The following LIPT1 variants were observed in gnomAD, a reference collection of about 807,000 sequenced individuals.
LIPT1 encodes the protein lipoyltransferase 1.
A neutral mutation model predicts 25.1 loss-of-function variants in LIPT1; 22 were observed. That is an observed-to-expected ratio of 0.88 (90% CI 0.63 to 1.25). The LOEUF (loss-of-function observed/expected upper bound fraction) is 1.25. Ranked by LOEUF, LIPT1 falls within the 50% of genes most tolerant of loss-of-function variation. The pLI is 0.00. For synonymous variants in LIPT1, 131 were observed against 150.8 expected (o/e 0.87, Z 0.96); for missense variants, 399 against 432.8 (o/e 0.92, Z 0.69).
Position 99,162,503 on chromosome 2 carries a change from T to C in LIPT1, c.546T>C (p.Cys182=), listed in dbSNP as rs1428366203. The C allele has an allele frequency of 6.2e-7, 1 of 1,614,152 alleles. No individual in the cohort carries two copies. Among genetic ancestry groups the C allele is most frequent in the Admixed American group, 1.7e-5 (1 of 60,018 alleles). Residue 182 remains cysteine (C), a synonymous_variant, in exon 2 of 2, where the codon TGT becomes TGC. Coordinates refer to ENST00000651691, the MANE Select transcript of LIPT1 (RefSeq NM_145199.3). ...CCTATCACCATTGCACTTTATTATG[T>C]AGTACTGATGGGACGTTCTTGTCTT... ...TTAYHHCTLL[C]STDGTFLSSL... is the part of the protein sequence containing the mutation.
rs1440086223 is a variant in LIPT1 at position 99,162,737 on chromosome 2, T to A, written c.780T>A (p.Asn260Lys). Residue 260 changes from asparagine to lysine, a missense_variant, in exon 2 of 2, where the codon AAT (asparagine) becomes AAA (lysine). Transcript: ENST00000651691. ...PTDETLFPGI[N>K]SKAKELQTWE... is the part of the protein sequence containing the mutation. ...ATGAGACACTGTTTCCTGGAATAAA[T>A]AGCAAAGCCAAAGAACTGCAAACTT... is the stretch of plus-strand genomic sequence containing the variant. 6.2e-7 allele frequency: 1 copy of A among 1,614,112 alleles called. No homozygotes were observed. Among genetic ancestry groups the A allele is most frequent in the Admixed American group, 1.7e-5 (1 of 60,010 alleles).
intron 1 of LIPT1, among the ~76,000 whole-genome samples, chr2:99,160,683 T>TA (rs2093780388): frequency 2.6e-5 from 4 of 152,224 alleles, no homozygotes; most frequent in Admixed American, 2.0e-4. Context: ...AGCCTTTGTA[T>TA]ATAAACCTGC....
intron 1 of LIPT1, among the ~76,000 whole-genome samples, chr2:99,158,512 G>A (rs574192152): frequency 6.6e-6 from 1 of 151,794 alleles, no homozygotes; most frequent in Non-Finnish European, 1.5e-5. Flanking sequence ...CCAGGAGGTC[G>A]GGGCTGCAGT....
At chr2:99,158,720 ATT>A (rs2093768282) in intron 1 of LIPT1, among the ~76,000 whole-genome samples, 1 of 152,172 alleles carries the variant, frequency 6.6e-6, no homozygotes, top group African/African-American at 2.4e-5. Context: ...GCTGTTGCAC[ATT>A]GTTAGAATTC....
chr2:99,160,445 T>G (rs2093779025), intron 1 of LIPT1, among the ~76,000 whole-genome samples: 2 of 152,188 alleles, frequency 1.3e-5, no homozygotes, highest in Non-Finnish European at 2.9e-5. Context: ...AACCAAACTC[T>G]TAACCTCAAG....
intron 1 of LIPT1, among the ~76,000 whole-genome samples, chr2:99,156,076 A>AT (rs1007250551): frequency 9.9e-5 from 15 of 151,820 alleles, no homozygotes; most frequent in Non-Finnish European, 1.5e-4. Flanking sequence ...ACTCTGTGTG[A>AT]TTTTTTCTTA....
At chr2:99,157,882 C>G (rs1374188545) in intron 1 of LIPT1, among the ~76,000 whole-genome samples, 2 of 152,226 alleles carry the variant, frequency 1.3e-5, no homozygotes, top group Non-Finnish European at 2.9e-5. Flanking sequence ...AACCAATTAT[C>G]TTAACCCCAT....
intron 1 of LIPT1, among the ~76,000 whole-genome samples, chr2:99,160,335 GA>G (rs761347299): frequency 6.6e-6 from 1 of 152,158 alleles, no homozygotes; most frequent in East Asian, 1.9e-4. Context: ...TTGAGCCCAG[GA>G]GGTCGAGGCT....
At chr2:99,160,404 A>C (rs889160925) in intron 1 of LIPT1, among the ~76,000 whole-genome samples, 3 of 152,222 alleles carry the variant, frequency 2.0e-5, no homozygotes, top group Non-Finnish European at 4.4e-5. Context: ...AAAAAAGCCT[A>C]GCTACCTAGT....
chr2:99,161,650 C>A, intron 1 of LIPT1: 1 of 201,298 alleles, frequency 5.0e-6, no homozygotes, highest in Non-Finnish European at 1.0e-5. Context: ...CCAGCCTGGG[C>A]AACATGGTGA....
intron 1 of LIPT1, chr2:99,155,590 A>AG (rs2093744114): frequency 4.4e-6 from 2 of 454,634 alleles, no homozygotes; most frequent in African/African-American, 4.0e-5. Flanking sequence ...TAGTCATTAA[A>AG]GGGTGAGAGT....
At chr2:99,161,344 A>G (rs1332583669) in intron 1 of LIPT1, 5 of 118,300 alleles carry the variant, frequency 4.2e-5, no homozygotes, top group African/African-American at 1.6e-4. Context: ...ATATAGATTG[A>G]ATGTCGAATG....
chr2:99,161,986 G>A lies in LIPT1; in HGVS notation c.29G>A (p.Cys10Tyr). Residue 10 changes from cysteine (C) to tyrosine (Y), a missense_variant, in exon 2 of 2, where the codon TGC (cysteine) becomes TAC (tyrosine). By Grantham distance (194) the Cys-to-Tyr change is radical. Transcript: ENST00000651691. MLIPFSMKN[C>Y]FQLLCNCQVP... Reference sequence around the variant, plus strand: ...CTGATCCCATTTTCAATGAAGAATTGCTTCCAGTTACTTTGTAACTGCCAG... The same window carrying A: ...CTGATCCCATTTTCAATGAAGAATTACTTCCAGTTACTTTGTAACTGCCAG... The A allele has an allele frequency of 6.2e-7, 1 of 1,604,990 alleles. No individual in the cohort carries two copies.
rs2093798815 is a variant in LIPT1 at position 99,162,182 on chromosome 2, T to C, written c.225T>C (p.Gly75=). The change falls in exon 2 of 2, where the codon GGT becomes GGC. Residue 75 remains glycine, a synonymous_variant. Coordinates refer to ENST00000651691, the MANE Select transcript of LIPT1 (RefSeq NM_145199.3). ...FWQNSPSVVI[G]RHQNPWQECN... is the part of the protein sequence containing the mutation. ...AGAATTCTCCCTCTGTTGTAATTGG[T>C]AGGCATCAAAATCCTTGGCAGGAAT... 6.2e-7 allele frequency: 1 copy of C among 1,613,966 alleles called. No individual in the cohort carries two copies. Among genetic ancestry groups the C allele is most frequent in the African/African-American group, 1.3e-5 (1 of 74,894 alleles).
chr2:99,155,354 G>C (rs755050068), intron 1 of LIPT1: 1 of 388,184 alleles, frequency 2.6e-6, no homozygotes, highest in African/African-American at 2.1e-5. Context: ...GCACACGACC[G>C]TAATGAGATT....
chr2:99,161,184 G>A (rs1319450397), intron 1 of LIPT1, among the ~76,000 whole-genome samples: 1 of 144,208 alleles, frequency 6.9e-6, no homozygotes, highest in Middle Eastern at 3.7e-3. Context: ...CCTGGGAGGC[G>A]GAGGTTGCGG....
chr2:99,162,713 T>A lies in LIPT1; in HGVS notation c.756T>A (p.Asp252Glu), dbSNP rs2105202017. Residue 252 changes from aspartate (D) to glutamate (E), a missense_variant, in exon 2 of 2, where the codon GAT (aspartate) becomes GAA (glutamate). Asp to Glu is a conservative substitution (Grantham distance 45). Transcript: ENST00000651691. ...ACATTCACCTAATAAACCCAACGGA[T>A]GAGACACTGTTTCCTGGAATAAATA... ...DNHIHLINPT[D>E]ETLFPGINSK... The A allele has an allele frequency of 6.2e-7, 1 of 1,614,146 alleles. No homozygotes were observed. Among genetic ancestry groups the A allele is most frequent in the Non-Finnish European group, 8.5e-7 (1 of 1,180,006 alleles).
In LIPT1 at chr2:99,162,745, C is replaced by T; in HGVS notation, c.788C>T (p.Ala263Val). ...ETLFPGINSK[A>V]KELQTWEWIY... The stretch of plus-strand genomic sequence containing the variant: ...CTGTTTCCTGGAATAAATAGCAAAG[C>T]CAAAGAACTGCAAACTTGGGAGTGG... Residue 263 changes from alanine (A) to valine (V), a missense_variant, in exon 2 of 2, where the codon GCC becomes GTC. Physicochemically the swap from Ala to Val is moderately conservative, Grantham distance 64 (BLOSUM62 0). Coordinates refer to ENST00000651691, the MANE Select transcript of LIPT1 (RefSeq NM_145199.3). 6.2e-7 allele frequency: 1 copy of T among 1,614,058 alleles called. No individual in the cohort carries two copies. Among genetic ancestry groups the T allele is most frequent in the Non-Finnish European group, 8.5e-7 (1 of 1,179,978 alleles).
At chr2:99,159,239 A>G (rs1157072185) in intron 1 of LIPT1, among the ~76,000 whole-genome samples, 1 of 148,310 alleles carries the variant, frequency 6.7e-6, no homozygotes, top group South Asian at 2.1e-4. Context: ...AATTTTTTGT[A>G]TTTTTAGTAG....
Sources: gnomAD v4.1 joint callset for allele counts (sites outside exome capture counted in the v4.1 genomes callset) on GRCh38, gnomAD v4.1.1 for gene constraint, MANE v1.5 for transcripts, NCBI Gene and HGNC (gene_info 2026-07-23, HGNC 2026-07-21) for gene names.